Variants in RABGAP1L observed in about 807,000 individuals in gnomAD.
RABGAP1L encodes the protein rab GTPase-activating protein 1-like.
RABGAP1L carries 63 observed loss-of-function variants against 137.7 expected under a neutral mutation model. The observed-to-expected ratio is 0.46, with a 90% CI of 0.37 to 0.56. The LOEUF (loss-of-function observed/expected upper bound fraction) is 0.56, where lower values mean the gene tolerates loss of function less well. Ranked by LOEUF, RABGAP1L falls within the 20% of genes least tolerant of loss-of-function variation. The pLI, the probability that RABGAP1L is intolerant of heterozygous loss-of-function variation, is 0.00. For missense variants in RABGAP1L, 1,095 were observed against 1,244.0 expected, an observed-to-expected ratio of 0.88 and a Z score of 1.80; for synonymous variants, 431 against 433.7, an observed-to-expected ratio of 0.99 and a Z score of 0.08.
intron 1 of RABGAP1L, among the ~76,000 whole-genome samples, chr1:174,163,158 G>A (rs71643190): frequency 2.6e-5 from 4 of 152,130 alleles, no homozygotes; most frequent in African/African-American, 9.7e-5. Flanking sequence ...TTTTAAAGGA[G>A]AGTTTTAATG....
intron 19 of RABGAP1L, among the ~76,000 whole-genome samples, chr1:174,948,269 C>T (rs933762027): frequency 6.6e-6 from 1 of 151,782 alleles, no homozygotes; most frequent in Non-Finnish European, 1.5e-5. Context: ...ATCTGTAATC[C>T]CAGCACTTTG....
chr1:174,718,410 G>C (rs981085032), intron 17 of RABGAP1L, among the ~76,000 whole-genome samples: 1 of 152,148 alleles, frequency 6.6e-6, no homozygotes, highest in Admixed American at 6.5e-5. Flanking sequence ...GCTTAGAGTT[G>C]TATTATAAAA....
intron 13 of RABGAP1L, among the ~76,000 whole-genome samples, chr1:174,590,534 T>C (rs1337987605): frequency 1.0e-5 from 1 of 98,906 alleles, no homozygotes; most frequent in Non-Finnish European, 2.0e-5. Flanking sequence ...CAGAGTGTGC[T>C]ATTCCCCTTC....
intron 5 of RABGAP1L, among the ~76,000 whole-genome samples, chr1:174,243,672 A>G (rs553477068): frequency 1.3e-5 from 2 of 152,340 alleles, no homozygotes; most frequent in South Asian, 4.1e-4. Flanking sequence ...CTTATTAGAC[A>G]AGTGACTTTA....
chr1:174,331,679 A>C (rs909742435), intron 11 of RABGAP1L, among the ~76,000 whole-genome samples: 2 of 151,780 alleles, frequency 1.3e-5, no homozygotes, highest in African/African-American at 4.8e-5. Flanking sequence ...TTTTCTTTTT[A>C]TTTTATTATT....
At chr1:174,604,381 C>T (rs902275691) in intron 13 of RABGAP1L, among the ~76,000 whole-genome samples, 1 of 152,210 alleles carries the variant, frequency 6.6e-6, no homozygotes. Flanking sequence ...GCCTATCACA[C>T]ATACTGTCTC....
chr1:174,681,343 A>G (rs907836252), intron 14 of RABGAP1L, among the ~76,000 whole-genome samples: 3 of 152,244 alleles, frequency 2.0e-5, no homozygotes, highest in Non-Finnish European at 2.9e-5. Context: ...TTCATACAGT[A>G]TATATTCATG....
At chr1:174,612,276 A>G (rs1192950045) in intron 13 of RABGAP1L, among the ~76,000 whole-genome samples, 1 of 152,136 alleles carries the variant, frequency 6.6e-6, no homozygotes, top group Non-Finnish European at 1.5e-5. Flanking sequence ...GCATTGTTGA[A>G]TTTTGTCAAA....
At chr1:174,168,081 A>C (rs1178854668) in intron 1 of RABGAP1L, among the ~76,000 whole-genome samples, 1 of 152,014 alleles carries the variant, frequency 6.6e-6, no homozygotes, top group African/African-American at 2.4e-5. Flanking sequence ...CCTGGCCAAG[A>C]TGGTGAAACC....
chr1:174,552,040 G>C (rs1432238527), intron 13 of RABGAP1L, among the ~76,000 whole-genome samples: 2 of 152,088 alleles, frequency 1.3e-5, no homozygotes, highest in Non-Finnish European at 2.9e-5. Flanking sequence ...TCCTGAAAAA[G>C]AAATCACCGT....
At chr1:174,634,833 T>C (rs558720049) in intron 13 of RABGAP1L, among the ~76,000 whole-genome samples, 12 of 140,150 alleles carry the variant, frequency 8.6e-5, no homozygotes, top group South Asian at 2.2e-4. Context: ...AATTGAACAA[T>C]GAGATCACAT....
At chr1:174,763,837 CAAAAAAAA>C (rs570110788) in intron 18 of RABGAP1L, among the ~76,000 whole-genome samples, 1 of 81,172 alleles carries the variant, frequency 1.2e-5, no homozygotes, top group African/African-American at 4.8e-5. Context: ...GACTCCGTCT[CAAAAAAAA>C]AAAAAAAAAA....
intron 22 of RABGAP1L, 100 bp from the exon 23 acceptor site, chr1:174,978,707 C>A: frequency 7.8e-7 from 1 of 1,278,686 alleles, no homozygotes; most frequent in Non-Finnish European, 1.0e-6. Context: ...ACATTGTTAC[C>A]ATTGTTACTG....
At chr1:174,555,021 C>CTA (rs10680057) in intron 13 of RABGAP1L, among the ~76,000 whole-genome samples, 75,637 of 151,872 alleles carry the variant, frequency 0.5, 21,365 homozygotes, top group African/African-American at 0.78. Flanking sequence ...GATGGCTCAT[C>CTA]TGACATTGCA....
At chr1:174,204,965 C>G (rs1177371698) in intron 1 of RABGAP1L, among the ~76,000 whole-genome samples, 2 of 152,208 alleles carry the variant, frequency 1.3e-5, no homozygotes, top group Non-Finnish European at 2.9e-5. Context: ...TCAGTGAAAT[C>G]TCCTTTCTTC....
intron 13 of RABGAP1L, among the ~76,000 whole-genome samples, chr1:174,455,219 G>A (rs895997906): frequency 2.6e-5 from 4 of 152,022 alleles, no homozygotes; most frequent in Non-Finnish European, 5.9e-5. Flanking sequence ...ATCAAGAAAC[G>A]TAGTACATAA....
chr1:174,861,616 G>T (rs147380378), intron 19 of RABGAP1L, among the ~76,000 whole-genome samples: 1 of 151,802 alleles, frequency 6.6e-6, no homozygotes, highest in Admixed American at 6.6e-5. Flanking sequence ...ACTAACAATT[G>T]TTATCTCTTT....
chr1:174,510,333 G>T (rs574841715), intron 13 of RABGAP1L, among the ~76,000 whole-genome samples: 2 of 152,166 alleles, frequency 1.3e-5, no homozygotes, highest in South Asian at 2.1e-4. Flanking sequence ...TGTTTTATCC[G>T]TAGCAAGTAA....
At chr1:174,975,146 T>C (rs1329551360) in intron 21 of RABGAP1L, among the ~76,000 whole-genome samples, 1 of 152,234 alleles carries the variant, frequency 6.6e-6, no homozygotes, top group Non-Finnish European at 1.5e-5. Flanking sequence ...GTACTTGGCA[T>C]TGGGCTTGGT....
Sources: allele counts gnomAD v4.1 joint callset (sites outside exome capture counted in the v4.1 genomes callset), GRCh38; gene constraint gnomAD v4.1.1; transcripts MANE v1.5; gene names NCBI Gene and HGNC (gene_info 2026-07-23, HGNC 2026-07-21).